The following ACOT7 variants were observed in gnomAD, a reference collection of about 807,000 sequenced individuals.
ACOT7 encodes the protein acyl-CoA thioesterase 7.
Under a neutral mutation model 40.2 loss-of-function variants are expected in ACOT7, and 12 were observed. The ratio of observed to expected loss-of-function variants is 0.30; its 90% confidence interval spans 0.19 to 0.48. The LOEUF is 0.48. ACOT7 is among the 20% of genes least tolerant of loss of function. The pLI is 0.99. For synonymous variants in ACOT7, 228 were observed against 219.5 expected (o/e 1.04, Z -0.34); for missense variants, 395 against 530.8 (o/e 0.74, Z 2.51).
At chr1:6,346,986 G>GT (rs1463114567) in intron 2 of ACOT7, among the ~76,000 whole-genome samples, 1 of 152,096 alleles carries the variant, frequency 6.6e-6, no homozygotes, top group African/African-American at 2.4e-5. Context: ...CAGGAGTGTC[G>GT]TTTTTTTGCA....
rs546456520 is a variant in ACOT7 at position 6,375,981 on chromosome 1, G to A, written c.143+17276C>T. On this transcript the variant is annotated intron_variant, in intron 1 of 8. Coordinates refer to ENST00000361521, the MANE Select transcript of ACOT7 (RefSeq NM_007274.4). ...TTTTTAAATTAGCCAGGTGCTGGGC[G>A]CAGTGGCTCACGCCTGTAATCCCAG... 4.0e-5 allele frequency among the ~76,000 whole-genome samples: 6 copies of A among 151,888 alleles called. No individual in the cohort carries two copies. The East Asian group carries it at 7.7e-4, about 20-fold the overall frequency.
rs150079406 is a variant in ACOT7, at chr1:6,349,948, T to TC, written c.144-83dup. ...GTGACAATCCAAGGAGGGGAGAAGGTCCCCAAAGGGCTCAATGGCTCCCGG... is the reference window on the plus strand; with the variant it reads ...GTGACAATCCAAGGAGGGGAGAAGGTCCCCCAAAGGGCTCAATGGCTCCCGG... On this transcript the variant is annotated intron_variant, in intron 1 of 8. Transcript: ENST00000361521. 383 of 1,367,988 alleles carry TC rather than the reference T, an allele frequency of 2.8e-4. 1 individual carries two copies. The African/African-American group carries it at 4.9e-3, about 18-fold the overall frequency. 84.7% of individuals were successfully genotyped at this position (1,367,988 alleles called of 1,614,324 possible).
At chr1:6,382,118 A>G (rs1175851790) in intron 1 of ACOT7, among the ~76,000 whole-genome samples, 1 of 149,508 alleles carries the variant, frequency 6.7e-6, no homozygotes, top group East Asian at 1.9e-4. Context: ...AGCCTGGGCG[A>G]AAGTGCAAGA....
At position 6,337,368 on chromosome 1, in the gene ACOT7, G is replaced by A. The variant is rs150348375; in HGVS notation, c.418+2065C>T. On this transcript the variant is annotated intron_variant, in intron 3 of 8. Coordinates refer to ENST00000361521, the MANE Select transcript of ACOT7 (RefSeq NM_007274.4). ...CCCCTAAAGAGCGAGGGATCCTCAC[G>A]AATATGTCAGATTGTGTCGTCCTCA... Among the ~76,000 whole-genome samples the A allele has an allele frequency of 6.7e-3, 1,018 of 152,318 alleles. 7 individuals are homozygous for A. Among genetic ancestry groups the A allele is most frequent in the South Asian group, 0.019 (90 of 4,822 alleles).
intron 6 of ACOT7, chr1:6,307,023 G>T: frequency 1.1e-6 from 1 of 942,042 alleles, no homozygotes; most frequent in Non-Finnish European, 1.5e-6. Context: ...ATAGTCTCAG[G>T]CTAAGCTGTG....
chr1:6,343,680 C>A (rs1641339667), intron 2 of ACOT7, among the ~76,000 whole-genome samples: 1 of 152,278 alleles, frequency 6.6e-6, no homozygotes, highest in Non-Finnish European at 1.5e-5. Flanking sequence ...CGCCTCTGGG[C>A]AGGGCAATGC....
In ACOT7 at chr1:6,339,434, T is replaced by C. The variant is rs1350780305; in HGVS notation, c.417A>G (p.Thr139=). 6 of 1,612,874 alleles carry C rather than the reference T, an allele frequency of 3.7e-6. No individual in the cohort carries two copies. Among genetic ancestry groups the C allele is most frequent in the Non-Finnish European group, 5.1e-6 (6 of 1,179,996 alleles). The part of the protein sequence containing the change: ...QVNVMSENIL[T]GAKKLTNKAT... The stretch of plus-strand genomic sequence containing the variant: ...CAACACTGTCGCTCCCAGAAGTACC[T>C]GTGAGGATGTTTTCGGACATCACGT... Residue 139 remains threonine (T), a splice_region_variant and synonymous_variant, in exon 3 of 9, where the codon ACA becomes ACG. Transcript: ENST00000361521.
chr1:6,333,355 G>A (rs943346708), intron 4 of ACOT7, 122 bp downstream of exon 4: 2 of 1,104,854 alleles, frequency 1.8e-6, no homozygotes, highest in Admixed American at 2.1e-5. Flanking sequence ...CTGGCCCCCT[G>A]TGCCCTAGCT....
At chr1:6,347,010 C>A (rs1571329553) in intron 2 of ACOT7, among the ~76,000 whole-genome samples, 1 of 152,112 alleles carries the variant, frequency 6.6e-6, no homozygotes, top group Admixed American at 6.5e-5. Context: ...CAAGGCCAAG[C>A]AGGCCAAGTA....
intron 7 of ACOT7, among the ~76,000 whole-genome samples, chr1:6,283,905 G>T (rs1363481850): frequency 6.6e-6 from 1 of 152,210 alleles, no homozygotes; most frequent in Non-Finnish European, 1.5e-5. Flanking sequence ...TCAGGCGGGA[G>T]CATCGTTTGA....
chr1:6,271,483 G>A (rs1333252015), intron 8 of ACOT7, among the ~76,000 whole-genome samples: 4 of 152,180 alleles, frequency 2.6e-5, no homozygotes, highest in Admixed American at 1.3e-4. Context: ...ACGGCCGGGC[G>A]AGGGGCCTTG....
chr1:6,334,563 C>T (rs965711869), intron 3 of ACOT7, among the ~76,000 whole-genome samples: 4 of 152,246 alleles, frequency 2.6e-5, no homozygotes, highest in African/African-American at 9.6e-5. Flanking sequence ...ACCAGACACT[C>T]GGGTGTGCTG....
At chr1:6,365,536 A>C (rs1041874230) in intron 1 of ACOT7, among the ~76,000 whole-genome samples, 1 of 152,050 alleles carries the variant, frequency 6.6e-6, no homozygotes, top group South Asian at 2.1e-4. Flanking sequence ...TTGGGAGGCC[A>C]AGGTGGGTGG....
chr1:6,367,628 C>T (rs554605544), intron 1 of ACOT7, among the ~76,000 whole-genome samples: 3 of 152,290 alleles, frequency 2.0e-5, no homozygotes, highest in South Asian at 2.1e-4. Context: ...GGTTGGCACA[C>T]GGGAATGCTG....
At chr1:6,337,847 T>C (rs1168025692) in intron 3 of ACOT7, among the ~76,000 whole-genome samples, 4 of 152,008 alleles carry the variant, frequency 2.6e-5, no homozygotes, top group Admixed American at 1.3e-4. Flanking sequence ...TGGTGGCTCA[T>C]GCCTGTAATC....
In ACOT7 at chr1:6,318,564, T is replaced by C; in HGVS notation, c.640A>G (p.Ser214Gly). 1 of 1,614,120 alleles carries C rather than the reference T, an allele frequency of 6.2e-7. No individual in the cohort carries two copies. Among genetic ancestry groups the C allele is most frequent in the Non-Finnish European group, 8.5e-7 (1 of 1,179,994 alleles). Residue 214 changes from serine (S) to glycine (G), a missense_variant, in exon 6 of 9, where the codon AGC becomes GGC. Coordinates refer to ENST00000361521, the MANE Select transcript of ACOT7 (RefSeq NM_007274.4). The part of the protein sequence containing the change: ...PVLNPEPNTV[S>G]YSQSSLIHLV... ...TGGATCAAGCTGGACTGGCTGTAGC[T>C]GACAGTGTTCGGCTCTGGAATTGCA...
intron 6 of ACOT7, among the ~76,000 whole-genome samples, chr1:6,317,026 A>G (rs904572595): frequency 3.9e-5 from 6 of 152,210 alleles, no homozygotes; most frequent in Non-Finnish European, 7.3e-5. Flanking sequence ...TGAAGGATAA[A>G]TAGGAGTTTT....
At chr1:6,312,295 A>C (rs1640359378) in intron 6 of ACOT7, among the ~76,000 whole-genome samples, 4 of 152,224 alleles carry the variant, frequency 2.6e-5, no homozygotes, top group African/African-American at 9.6e-5. Context: ...GGGTGACCAC[A>C]GTCAATAATA....
At chr1:6,381,561 C>A (rs1642335716) in intron 1 of ACOT7, among the ~76,000 whole-genome samples, 2 of 151,782 alleles carry the variant, frequency 1.3e-5, no homozygotes, top group Admixed American at 1.3e-4. Context: ...GCCCAGAAAC[C>A]AGAACCCATG....
Sources: allele counts gnomAD v4.1 joint callset (sites outside exome capture counted in the v4.1 genomes callset), GRCh38; gene constraint gnomAD v4.1.1; transcripts MANE v1.5; gene names NCBI Gene and HGNC (gene_info 2026-07-23, HGNC 2026-07-21).